Variants in RBFOX3 observed in about 807,000 individuals in gnomAD.
RBFOX3 encodes the protein RNA binding fox-1 homolog 3.
Under a neutral mutation model 48.7 loss-of-function variants are expected in RBFOX3, and 17 were observed. The ratio of observed to expected loss-of-function variants is 0.35; its 90% confidence interval spans 0.24 to 0.52. RBFOX3 has a LOEUF of 0.52. Ranked by LOEUF, RBFOX3 falls within the 20% of genes least tolerant of loss-of-function variation. The pLI is 0.94. For missense variants in RBFOX3, 382 were observed against 497.5 expected (o/e 0.77, Z 2.21); for synonymous variants, 212 against 209.5 (o/e 1.01, Z -0.10).
chr17:79,598,302 ATGCACACG>A (rs1168443841), intron 1 of RBFOX3: 3 of 152,374 alleles, frequency 2.0e-5, no homozygotes, highest in African/African-American at 7.2e-5. Flanking sequence ...ACATGCACAC[ATGCACACG>A]TGCACACATG....
intron 1 of RBFOX3, among the ~76,000 whole-genome samples, chr17:79,485,308 GC>G (rs1236977850): frequency 6.6e-6 from 1 of 152,162 alleles, no homozygotes; most frequent in Non-Finnish European, 1.5e-5. Context: ...ATCCCCTGGG[GC>G]CACATGGACA....
intron 2 of RBFOX3, among the ~76,000 whole-genome samples, chr17:79,387,446 C>A (rs2060709829): frequency 6.6e-6 from 1 of 152,254 alleles, no homozygotes. Flanking sequence ...CTTTTAAAAG[C>A]AACCTCAGCT....
chr17:79,271,145 G>A (rs911030185), intron 3 of RBFOX3, among the ~76,000 whole-genome samples: 3 of 150,940 alleles, frequency 2.0e-5, no homozygotes, highest in Admixed American at 6.6e-5. Context: ...GTGCGATCTC[G>A]GCTCACTGCA....
intron 4 of RBFOX3, among the ~76,000 whole-genome samples, chr17:79,206,116 T>A (rs371770697): frequency 2.6e-5 from 4 of 152,196 alleles, no homozygotes; most frequent in Admixed American, 1.3e-4. Flanking sequence ...AGCAAGAAGG[T>A]CTACAGCTTG....
chr17:79,230,932 C>A (rs2147770573), intron 4 of RBFOX3, among the ~76,000 whole-genome samples: 1 of 152,148 alleles, frequency 6.6e-6, no homozygotes, highest in Non-Finnish European at 1.5e-5. Context: ...GACTGATGTG[C>A]CTGCCTCCGA....
At chr17:79,569,884 G>A (rs2092603274) in intron 1 of RBFOX3, among the ~76,000 whole-genome samples, 1 of 152,182 alleles carries the variant, frequency 6.6e-6, no homozygotes, top group Non-Finnish European at 1.5e-5. Context: ...TGGATGGATG[G>A]ATAGGTAGAT....
intron 2 of RBFOX3, among the ~76,000 whole-genome samples, chr17:79,341,918 G>C (rs2082157911): frequency 6.6e-6 from 1 of 152,230 alleles, no homozygotes; most frequent in Admixed American, 6.5e-5. Flanking sequence ...GCGCTAATGT[G>C]AAAAGAGATG....
chr17:79,236,000 G>A (rs1236050426), intron 3 of RBFOX3, among the ~76,000 whole-genome samples, 195 bp from the exon 4 acceptor site: 5 of 152,188 alleles, frequency 3.3e-5, no homozygotes, highest in South Asian at 2.1e-4. Context: ...GCTGGGAGGC[G>A]GCGGTTAGAT....
chr17:79,527,913 C>T (rs2087013833), intron 1 of RBFOX3, among the ~76,000 whole-genome samples: 1 of 152,162 alleles, frequency 6.6e-6, no homozygotes, highest in African/African-American at 2.4e-5. Context: ...TTGCCCTCTC[C>T]GCTCCTTAAC....
chr17:79,286,502 G>A (rs2071916116), intron 3 of RBFOX3, among the ~76,000 whole-genome samples: 1 of 152,212 alleles, frequency 6.6e-6, no homozygotes, highest in South Asian at 2.1e-4. Context: ...AGATGGGGGT[G>A]CTTCACGCCC....
At chr17:79,519,682 T>C (rs2085773050) in intron 1 of RBFOX3, among the ~76,000 whole-genome samples, 2 of 152,200 alleles carry the variant, frequency 1.3e-5, no homozygotes, top group Admixed American at 1.3e-4. Flanking sequence ...AGAGCATCCC[T>C]GTTTACCTCG....
In RBFOX3 at chr17:79,477,510, C is replaced by T. The variant is rs752636281; in HGVS notation, c.-175+4944G>A. ...GGCGGAGTTTGCAGTGAGCTGAGAT[C>T]GCCCCATCGCACTCCAGCCTGGGCG... On this transcript the variant is annotated intron_variant, in intron 2 of 14. Transcript: ENST00000693108. This position sits in a 1 kb window ranked among gnomAD's most constrained non-coding sequence, Gnocchi z 4.8. Among the ~76,000 whole-genome samples the T allele has an allele frequency of 0.012, 1,806 of 151,776 alleles. 14 individuals carry two copies. Among genetic ancestry groups the T allele is most frequent in the Non-Finnish European group, 0.019 (1,269 of 67,938 alleles).
At chr17:79,586,323 C>G (rs1309796775) in intron 1 of RBFOX3, among the ~76,000 whole-genome samples, 2 of 152,226 alleles carry the variant, frequency 1.3e-5, no homozygotes, top group Non-Finnish European at 2.9e-5. Context: ...GAAGCAGGGA[C>G]CTGTCTCAAG....
chr17:79,135,272 G>A (rs1017628572), intron 4 of RBFOX3, among the ~76,000 whole-genome samples: 3 of 152,184 alleles, frequency 2.0e-5, no homozygotes, highest in Admixed American at 1.3e-4. Flanking sequence ...AAGGGAAGGC[G>A]GTGGGGTCCT....
At chr17:79,320,676 AC>A (rs2078385665) in intron 2 of RBFOX3, among the ~76,000 whole-genome samples, 1 of 149,066 alleles carries the variant, frequency 6.7e-6, no homozygotes, top group Non-Finnish European at 1.5e-5. Flanking sequence ...GCTGCTCACC[AC>A]CCTCTGGGCG....
At chr17:79,234,236 A>AAGCCGGAGAGCCGGCAGCAG (rs1219217148) in intron 4 of RBFOX3, 28 of 152,280 alleles carry the variant, frequency 1.8e-4, no homozygotes, top group African/African-American at 6.3e-4. Context: ...TCCTGCTAGA[A>AAGCCGGAGAGCCGGCAGCAG]AGCCGGAGAG....
intron 1 of RBFOX3, among the ~76,000 whole-genome samples, chr17:79,510,658 C>T (rs916067348): frequency 0.12 from 17,571 of 152,244 alleles, 1,543 homozygotes; most frequent in East Asian, 0.52. Flanking sequence ...CCTGCGCTCA[C>T]CTCAGAACCA....
At chr17:79,158,114 A>G (rs1206100973) in intron 4 of RBFOX3, among the ~76,000 whole-genome samples, 1 of 147,048 alleles carries the variant, frequency 6.8e-6, no homozygotes, top group East Asian at 2.0e-4. Context: ...GGCGATTAGG[A>G]CATAGACACA....
intron 2 of RBFOX3, among the ~76,000 whole-genome samples, chr17:79,368,209 G>A (rs1215219299): frequency 2.0e-5 from 3 of 152,164 alleles, no homozygotes; most frequent in Non-Finnish European, 4.4e-5. Context: ...CCACAGCCGT[G>A]CCCACGTCAT....
Sources: gnomAD v4.1 joint callset for allele counts (sites outside exome capture counted in the v4.1 genomes callset) on GRCh38, gnomAD v4.1.1 for gene constraint, Gnocchi (gnomAD v3.1) non-coding constraint, MANE v1.5 for transcripts, NCBI Gene and HGNC (gene_info 2026-07-23, HGNC 2026-07-21) for gene names.